The following WDR19 variants were observed in gnomAD, a reference collection of about 807,000 sequenced individuals.
WDR19 encodes WD repeat domain 19, also known as WD repeat-containing protein 19.
Under a neutral mutation model 180.0 loss-of-function variants are expected in WDR19, and 121 were observed. That is an observed-to-expected ratio of 0.67 (90% confidence interval 0.58 to 0.78). WDR19 has a LOEUF of 0.78. WDR19 is among the 30% of genes least tolerant of loss of function. WDR19 has a pLI of 0.00. For missense variants in WDR19, 1,450 were observed against 1,640.7 expected, an observed-to-expected ratio of 0.88 and a Z score of 2.01; for synonymous variants, 497 against 540.7, an observed-to-expected ratio of 0.92 and a Z score of 1.12.
chr4:39,274,734 A>G, intron 32 of WDR19, 74 bp from the exon 33 acceptor site: 2 of 1,542,764 alleles, frequency 1.3e-6, no homozygotes, highest in Non-Finnish European at 1.8e-6. Flanking sequence ...CTACAGAACC[A>G]GGGTGGAATC....
At chr4:39,259,287 C>G (rs1486918068) in intron 28 of WDR19, among the ~76,000 whole-genome samples, 1 of 152,186 alleles carries the variant, frequency 6.6e-6, no homozygotes, top group Non-Finnish European at 1.5e-5. Flanking sequence ...ACTATCCTTT[C>G]CACCACAGAA....
chr4:39,188,022 A>G (rs28654126), intron 3 of WDR19, among the ~76,000 whole-genome samples: 7,088 of 152,280 alleles, frequency 0.047, 534 homozygotes, highest in African/African-American at 0.16. Context: ...GTAATTCCCA[A>G]CTGTCTTAAA....
At chr4:39,280,064 T>C (rs998061703) in intron 36 of WDR19, among the ~76,000 whole-genome samples, 1 of 151,580 alleles carries the variant, frequency 6.6e-6, no homozygotes, top group African/African-American at 2.4e-5. Flanking sequence ...ATACAAGTTC[T>C]ATATCATGTA....
At chr4:39,229,380 G>A (rs1730614839) in intron 17 of WDR19, among the ~76,000 whole-genome samples, 1 of 152,136 alleles carries the variant, frequency 6.6e-6, no homozygotes, top group South Asian at 2.1e-4. Flanking sequence ...AAGATAGTCA[G>A]CTGTTTTTAT....
intron 26 of WDR19, 118 bp from the exon 27 acceptor site, chr4:39,255,729 AC>A (rs1301012352): frequency 2.0e-6 from 1 of 496,678 alleles, no homozygotes; most frequent in Non-Finnish European, 3.6e-6. Context: ...ATTAATAATT[AC>A]ATTGATGTTT....
In WDR19 at chr4:39,227,649, G is replaced by T. The variant is rs73238556; in HGVS notation, c.1630-561G>T. 5.7e-3 allele frequency among the ~76,000 whole-genome samples: 862 copies of T among 152,266 alleles called. 4 individuals are homozygous for T. Among genetic ancestry groups the T allele is most frequent in the Middle Eastern group, 0.044 (13 of 294 alleles). ...CACATATTACACCATTTTATTCAGG[G>T]ATTTGGCCATCTGTGGGTTTTGCTA... On this transcript the variant is annotated intron_variant, in intron 15 of 36. Transcript: ENST00000399820.
chr4:39,189,883 A>T, intron 4 of WDR19, 102 bp downstream of exon 4: 1 of 1,262,802 alleles, frequency 7.9e-7, no homozygotes, highest in Non-Finnish European at 1.1e-6. Flanking sequence ...AAGATTCCTC[A>T]ATGAGTTATT....
chr4:39,246,238 G>C (rs1345549739), intron 24 of WDR19, among the ~76,000 whole-genome samples: 1 of 152,184 alleles, frequency 6.6e-6, no homozygotes, highest in East Asian at 1.9e-4. Context: ...GGGCGTGGTG[G>C]CTCACACCTG....
intron 17 of WDR19, among the ~76,000 whole-genome samples, chr4:39,229,946 T>A (rs955727181): frequency 6.6e-6 from 1 of 152,154 alleles, no homozygotes. Context: ...TCCTCCCGTG[T>A]TCCCTCATCT....
chr4:39,204,153 T>C (rs1251093611), intron 7 of WDR19, among the ~76,000 whole-genome samples: 2 of 151,946 alleles, frequency 1.3e-5, no homozygotes, highest in Non-Finnish European at 2.9e-5. Flanking sequence ...TGGTGCAATC[T>C]CAGCTCACCG....
intron 25 of WDR19, 67 bp downstream of exon 25, chr4:39,253,359 A>G: frequency 6.9e-7 from 1 of 1,443,878 alleles, no homozygotes; most frequent in East Asian, 2.4e-5. Context: ...TCTGCCTTCT[A>G]TCATCAAATA....
At position 39,244,334 on chromosome 4, in the gene WDR19, G is replaced by A. The variant is rs546351550; in HGVS notation, c.2508G>A (p.Lys836=). ...GTCGAGGGGTTAACCAAGCCCTCAA[G>A]CATCCCAGCAGGGTCCTTAAAAGAG... is the stretch of plus-strand genomic sequence containing the variant. ...DIRRGVNQAL[K]HPSRVLKRDC... is the part of the protein sequence containing the mutation. The change falls in exon 22 of 37, where the codon AAG becomes AAA. Residue 836 remains lysine, a synonymous_variant. Transcript: ENST00000399820. The A allele has an allele frequency of 1.2e-6, 2 of 1,613,986 alleles. No homozygotes were observed. Among genetic ancestry groups the A allele is most frequent in the African/African-American group, 2.7e-5 (2 of 75,052 alleles).
intron 23 of WDR19, 134 bp from the exon 24 acceptor site, chr4:39,245,235 C>T (rs1230300258): frequency 1.5e-6 from 1 of 667,054 alleles, no homozygotes. Flanking sequence ...GCCACTGCAC[C>T]CCGCCAGGAG....
chr4:39,275,137 C>A, intron 33 of WDR19, 179 bp downstream of exon 33: 1 of 753,366 alleles, frequency 1.3e-6, no homozygotes, highest in Non-Finnish European at 2.2e-6. Flanking sequence ...GTCAGTAGTT[C>A]AAGACCAGCC....
chr4:39,245,265 G>C (rs1388613448), intron 23 of WDR19, 104 bp from the exon 24 acceptor site: 14 of 934,314 alleles, frequency 1.5e-5, no homozygotes, highest in Non-Finnish European at 2.2e-5. Context: ...TTGAAAGATA[G>C]TAATAACTGG....
chr4:39,224,160 T>G (rs927722184), intron 14 of WDR19, among the ~76,000 whole-genome samples: 16 of 152,328 alleles, frequency 1.1e-4, no homozygotes, highest in African/African-American at 3.6e-4. Context: ...ATACATTCAG[T>G]TGATTCTATC....
intron 31 of WDR19, 145 bp from the exon 32 acceptor site, chr4:39,272,835 C>A (rs2109507222): frequency 1.6e-6 from 1 of 634,006 alleles, no homozygotes; most frequent in East Asian, 3.0e-5. Context: ...GTGGAGGGAT[C>A]TCTAATGGCA....
chr4:39,203,530 G>A (rs1019712159), intron 6 of WDR19, 112 bp from the exon 7 acceptor site: 2 of 818,722 alleles, frequency 2.4e-6, no homozygotes, highest in Non-Finnish European at 3.9e-6. Flanking sequence ...GGATTTTCAG[G>A]TTCTTAGTCC....
chr4:39,253,132 C>T lies in WDR19; in HGVS notation c.2730-14C>T, dbSNP rs1458956862. 6.4e-7 allele frequency: 1 copy of T among 1,557,718 alleles called. No individual in the cohort carries two copies. The highest frequency in any genetic ancestry group is 1.4e-5 in the African/African-American group (1 of 71,850). On this transcript the variant is annotated splice_polypyrimidine_tract_variant and intron_variant, in intron 24 of 36. Transcript: ENST00000399820. ...CAGTGTTAAAAAAAGTTTATCTGAGCTATTTTTTTACAGATACAAAGAAGC... is the reference window on the plus strand; with the variant it reads ...CAGTGTTAAAAAAAGTTTATCTGAGTTATTTTTTTACAGATACAAAGAAGC...
Sources: allele counts gnomAD v4.1 joint callset (sites outside exome capture counted in the v4.1 genomes callset), GRCh38; gene constraint gnomAD v4.1.1; transcripts MANE v1.5; gene names NCBI Gene and HGNC (gene_info 2026-07-23, HGNC 2026-07-21).